The following NAV3 variants were observed in gnomAD, a reference collection of about 807,000 sequenced individuals.
NAV3 encodes the protein neuron navigator 3.
A neutral mutation model predicts 244.7 loss-of-function variants in NAV3; 87 were observed. The observed-to-expected ratio is 0.36, with a 90% CI of 0.30 to 0.42. NAV3 has a LOEUF of 0.42. Among genes scored for constraint, NAV3 ranks in the 20% least tolerant of loss-of-function variants. NAV3 has a pLI of 1.00. For synonymous variants in NAV3, 1,126 were observed against 1,042.2 expected (o/e 1.08, Z -1.55); for missense variants, 2,663 against 2,893.3 (o/e 0.92, Z 1.83).
At chr12:77,813,179 G>A (rs2136006591) in intron 2 of NAV3, among the ~76,000 whole-genome samples, 1 of 152,266 alleles carries the variant, frequency 6.6e-6, no homozygotes, top group African/African-American at 2.4e-5. Flanking sequence ...TCAGTGCCTG[G>A]TTAGAGTTTA....
chr12:77,637,000 T>G (rs12816877), intron 2 of NAV3, among the ~76,000 whole-genome samples: 35,276 of 151,316 alleles, frequency 0.23, 4,561 homozygotes, highest in African/African-American at 0.34. Flanking sequence ...GGGGGTGGGG[T>G]CTTAGGAGAG....
chr12:77,654,875 C>G (rs531169601), intron 2 of NAV3, among the ~76,000 whole-genome samples: 1 of 150,736 alleles, frequency 6.6e-6, no homozygotes, highest in African/African-American at 2.5e-5. Context: ...CTAGCAAACT[C>G]CAACAGACCT....
intron 12 of NAV3, among the ~76,000 whole-genome samples, chr12:78,096,326 G>A (rs796679088): frequency 6.6e-6 from 1 of 152,006 alleles, no homozygotes; most frequent in Non-Finnish European, 1.5e-5. Context: ...ATTCTGGCAG[G>A]CCCCTCTGTT....
In NAV3 at chr12:77,655,266, C is replaced by G. The variant is rs1043199889; in HGVS notation, c.72+83000C>G. On this transcript the variant is annotated intron_variant, in intron 2 of 8. Transcript: ENST00000550042. ...CAATACAGAGAAGTGCTTAAAGGAG[C>G]TGATGGAGCTGAAAGCCAAGGCTCG... 2.0e-5 allele frequency among the ~76,000 whole-genome samples: 3 copies of G among 152,188 alleles called. No homozygotes were observed. The East Asian group carries it at 5.8e-4, about 29-fold the overall frequency.
intron 2 of NAV3, among the ~76,000 whole-genome samples, chr12:77,587,449 T>A (rs1403903501): frequency 6.6e-6 from 1 of 152,198 alleles, no homozygotes; most frequent in African/African-American, 2.4e-5. Context: ...CTTATTGTTT[T>A]CTTGCCAAAT....
At chr12:78,127,295 A>C in intron 17 of NAV3, 87 bp downstream of exon 17, 1 of 1,312,886 alleles carries the variant, frequency 7.6e-7, no homozygotes, top group South Asian at 1.2e-5. Flanking sequence ...GTTTGTTTGC[A>C]ATGTAGCACA....
intron 9 of NAV3, among the ~76,000 whole-genome samples, chr12:78,028,753 TG>T (rs1295353952): frequency 6.6e-6 from 1 of 152,230 alleles, no homozygotes; most frequent in Non-Finnish European, 1.5e-5. Flanking sequence ...GCCAGGAAGC[TG>T]GACTGAATGA....
chr12:78,069,052 G>A (rs977921333), intron 12 of NAV3, among the ~76,000 whole-genome samples: 4 of 151,638 alleles, frequency 2.6e-5, no homozygotes, highest in Non-Finnish European at 5.9e-5. Flanking sequence ...CATTTTGGCC[G>A]GCAGCTGATA....
At chr12:78,058,786 C>G (rs986516742) in intron 11 of NAV3, among the ~76,000 whole-genome samples, 1 of 151,904 alleles carries the variant, frequency 6.6e-6, no homozygotes, top group Admixed American at 6.6e-5. Flanking sequence ...AATATTGATA[C>G]AAATACTAGG....
chr12:77,844,399 A>G (rs1344081260), intron 1 of NAV3, among the ~76,000 whole-genome samples: 15 of 152,184 alleles, frequency 9.9e-5, no homozygotes, highest in Admixed American at 9.8e-4. Context: ...AAGCTATCAC[A>G]TTGGTGATTA....
chr12:77,587,604 A>G (rs1438243670), intron 2 of NAV3, among the ~76,000 whole-genome samples: 2 of 152,238 alleles, frequency 1.3e-5, no homozygotes, highest in Admixed American at 1.3e-4. Context: ...TATATATTAT[A>G]GAAGTTCATT....
At chr12:78,000,560 G>T (rs1873083811) in intron 7 of NAV3, among the ~76,000 whole-genome samples, 1 of 133,088 alleles carries the variant, frequency 7.5e-6, no homozygotes, top group African/African-American at 2.9e-5. Flanking sequence ...CTGGAGTGCA[G>T]TGGCGCGATC....
At chr12:77,677,750 C>T (rs1212730133) in intron 2 of NAV3, among the ~76,000 whole-genome samples, 1 of 152,180 alleles carries the variant, frequency 6.6e-6, no homozygotes. Context: ...GTTACTACTA[C>T]ATAAATAAAT....
chr12:78,192,945 A>T (rs71462129), intron 34 of NAV3, among the ~76,000 whole-genome samples: 7,755 of 152,088 alleles, frequency 0.051, 327 homozygotes, highest in African/African-American at 0.11. Flanking sequence ...GGATAAATAT[A>T]AAAAAAGAGG....
chr12:77,746,534 G>T (rs371340258), intron 2 of NAV3, among the ~76,000 whole-genome samples: 1 of 152,134 alleles, frequency 6.6e-6, no homozygotes, highest in East Asian at 1.9e-4. Context: ...ATACTGTGTT[G>T]GGCCCTATGA....
intron 6 of NAV3, among the ~76,000 whole-genome samples, chr12:77,997,803 A>G (rs1459122859): frequency 2.6e-5 from 4 of 152,192 alleles, no homozygotes; most frequent in Non-Finnish European, 2.9e-5. Context: ...CCATGTTTTC[A>G]TTAGTGTAGC....
chr12:78,062,724 A>C (rs1042693454), intron 12 of NAV3, among the ~76,000 whole-genome samples: 7 of 152,156 alleles, frequency 4.6e-5, no homozygotes, highest in African/African-American at 1.7e-4. Flanking sequence ...CATGCAGCTA[A>C]TAGTACAAGG....
chr12:77,780,244 G>A (rs1256072090), intron 2 of NAV3, among the ~76,000 whole-genome samples: 2 of 152,062 alleles, frequency 1.3e-5, no homozygotes, highest in African/African-American at 2.4e-5. Context: ...GTAATCCCGA[G>A]GACAAGTGGA....
At chr12:78,094,995 C>T (rs35189416) in intron 12 of NAV3, among the ~76,000 whole-genome samples, 16,812 of 149,694 alleles carry the variant, frequency 0.11, 1,005 homozygotes, top group Non-Finnish European at 0.13. Context: ...TGCAGTGAGC[C>T]GAGATCATGC....
Sources: gnomAD v4.1 joint callset for allele counts (sites outside exome capture counted in the v4.1 genomes callset) on GRCh38, gnomAD v4.1.1 for gene constraint, MANE v1.5 for transcripts, NCBI Gene and HGNC (gene_info 2026-07-23, HGNC 2026-07-21) for gene names.